Variants in CCDC180 observed in about 807,000 individuals in gnomAD.
The protein encoded by CCDC180 is coiled-coil domain-containing protein 180.
In CCDC180, 154 loss-of-function variants were observed where a neutral mutation model predicts 209.2. The ratio of observed to expected loss-of-function variants is 0.74; its 90% confidence interval spans 0.65 to 0.84. CCDC180 has a LOEUF of 0.84. CCDC180 is among the 40% of genes least tolerant of loss of function. The pLI is 0.00. For missense variants in CCDC180, 1,874 were observed against 1,997.3 expected (o/e 0.94, Z 1.18); for synonymous variants, 778 against 749.1 (o/e 1.04, Z -0.63).
At chr9:97,364,013 C>G in intron 28 of CCDC180, 38 bp from the exon 29 acceptor site, 1 of 1,598,434 alleles carries the variant, frequency 6.3e-7, no homozygotes. Context: ...TGCGTCTGTC[C>G]ACAGCCTCCA....
chr9:97,355,153 T>G, intron 24 of CCDC180, 145 bp downstream of exon 24: 1 of 608,988 alleles, frequency 1.6e-6, no homozygotes, highest in Non-Finnish European at 2.9e-6. Flanking sequence ...CAATCTTTTT[T>G]TTCTTTTTTT....
At chr9:97,322,163 G>A (rs1457384788) in intron 11 of CCDC180, among the ~76,000 whole-genome samples, 1 of 152,102 alleles carries the variant, frequency 6.6e-6, no homozygotes, top group African/African-American at 2.4e-5. Flanking sequence ...CTAGCCCTGG[G>A]GACAGGAAGA....
intron 5 of CCDC180, among the ~76,000 whole-genome samples, chr9:97,313,938 G>C (rs1461587765): frequency 1.3e-5 from 2 of 152,156 alleles, no homozygotes; most frequent in Non-Finnish European, 2.9e-5. Context: ...GATTCCTGGA[G>C]CTGGCTCTGT....
At chr9:97,332,257 GT>G (rs1351700264) in intron 18 of CCDC180, among the ~76,000 whole-genome samples, 1 of 152,128 alleles carries the variant, frequency 6.6e-6, no homozygotes, top group Non-Finnish European at 1.5e-5. Context: ...GTATTATGCT[GT>G]TTTGATTACT....
rs1035329501 is a variant in CCDC180 at position 97,343,383 on chromosome 9, A to G, written c.2318A>G (p.Asp773Gly). 1.9e-6 allele frequency: 3 copies of G among 1,613,556 alleles called. No individual in the cohort carries two copies. Among genetic ancestry groups the G allele is most frequent in the South Asian group, 1.1e-5 (1 of 91,066 alleles). ...GGTCTAGAGGAGATATACTATGAGGACATGGAGTCCTTCACAATCTCCAGT... is the reference window on the plus strand; with the variant it reads ...GGTCTAGAGGAGATATACTATGAGGGCATGGAGTCCTTCACAATCTCCAGT... ...EEGLEEIYYE[D>G]MESFTISSGN... The change falls in exon 19 of 37, where the codon GAC (aspartate) becomes GGC (glycine). Residue 773 changes from aspartate to glycine, a missense_variant. Asp to Gly is a moderately conservative substitution (Grantham distance 94, BLOSUM62 -1). Coordinates refer to ENST00000529487, the MANE Select transcript of CCDC180 (RefSeq NM_020893.6).
At chr9:97,311,968 G>A (rs1833001007) in intron 3 of CCDC180, 145 bp from the exon 4 acceptor site, 1 of 688,264 alleles carries the variant, frequency 1.5e-6, no homozygotes, top group African/African-American at 1.8e-5. Context: ...CACTGCCTCA[G>A]GGCTCTCTGG....
rs1306722449 is a variant in CCDC180 at position 97,307,680 on chromosome 9, G to A, written c.-208G>A. 1.3e-6 allele frequency: 2 copies of A among 1,557,122 alleles called. No individual in the cohort carries two copies. Among genetic ancestry groups the A allele is most frequent in the African/African-American group, 1.4e-5 (1 of 73,494 alleles). Reference sequence around the variant, plus strand: ...CCTTGAGCGCCGTTAACTTTTCCCCGAAGAGCATGGCAGAGTGAAGCACAA... The same window carrying A: ...CCTTGAGCGCCGTTAACTTTTCCCCAAAGAGCATGGCAGAGTGAAGCACAA... On this transcript the variant is annotated 5_prime_UTR_variant, in exon 1 of 37. Coordinates refer to ENST00000529487, the MANE Select transcript of CCDC180 (RefSeq NM_020893.6).
intron 10 of CCDC180, 95 bp downstream of exon 10, chr9:97,318,677 A>C: frequency 1.3e-6 from 2 of 1,501,490 alleles, no homozygotes; most frequent in Non-Finnish European, 1.8e-6. Flanking sequence ...GGCATCCTTC[A>C]GACTAAGCAG....
chr9:97,312,271 C>A, intron 4 of CCDC180, 70 bp downstream of exon 4: 1 of 1,344,030 alleles, frequency 7.4e-7, no homozygotes, highest in Non-Finnish European at 1.1e-6. Context: ...GAGGTGGGGA[C>A]GTCTCCTGGC....
At chr9:97,359,852 T>G in intron 25 of CCDC180, 130 bp from the exon 26 acceptor site, 1 of 1,202,978 alleles carries the variant, frequency 8.3e-7, no homozygotes, top group Non-Finnish European at 1.2e-6. Flanking sequence ...CTTCCCTGCA[T>G]GTGAGGAGCC....
rs1197176532 is a variant in CCDC180 at position 97,347,440 on chromosome 9, C to T, written c.2625C>T (p.His875=). The stretch of plus-strand genomic sequence containing the variant: ...AACTGGAGCTGCATCTGCACCTGCA[C>T]CAGCCAAGAGCCCAGCAGATTGAAA... ...DSELELHLHL[H]QPRAQQIEKD... Residue 875 remains histidine, a synonymous_variant, in exon 20 of 37, where the codon CAC becomes CAT. Transcript: ENST00000529487. The T allele has an allele frequency of 2.6e-6, 4 of 1,536,150 alleles. No individual in the cohort carries two copies. In the Admixed American group the frequency reaches 5.9e-5, roughly 23 times the overall value.
intron 34 of CCDC180, chr9:97,372,214 A>T (rs1827121102): frequency 6.6e-6 from 1 of 152,320 alleles, no homozygotes. Context: ...ACTGTAAAAA[A>T]TGCTCAACTT....
chr9:97,359,977 A>T lies in CCDC180; in HGVS notation c.3364-5A>T, dbSNP rs753143078. 5.0e-6 allele frequency: 8 copies of T among 1,613,156 alleles called. No homozygotes were observed. The highest frequency in any genetic ancestry group is 1.7e-5 in the Admixed American group (1 of 59,944). ...TGGGGCTTTCTTCCTCCCTTTTCTC[A>T]CCAGACAGTGACCACAGAAGAACTC... On this transcript the variant is annotated splice_region_variant and splice_polypyrimidine_tract_variant and intron_variant, in intron 25 of 36. Coordinates refer to ENST00000529487, the MANE Select transcript of CCDC180 (RefSeq NM_020893.6).
At position 97,330,163 on chromosome 9, in the gene CCDC180, G is replaced by A. The variant is rs755717898; in HGVS notation, c.1798G>A (p.Gly600Arg). 1 of 1,613,688 alleles carries A rather than the reference G, an allele frequency of 6.2e-7. No individual in the cohort carries two copies. The highest frequency in any genetic ancestry group is 1.1e-5 in the South Asian group (1 of 91,060). ...TGGTTTTTCCTTGTAGAACTTGGCTGGAGAAGTCATTTTCAAATTCAGGCA... is the reference window on the plus strand; with the variant it reads ...TGGTTTTTCCTTGTAGAACTTGGCTAGAGAAGTCATTTTCAAATTCAGGCA... Reference protein sequence around the residue: ...VREIFEQNLAGEVIFKFRQPE... With the variant: ...VREIFEQNLAREVIFKFRQPE... Residue 600 changes from glycine to arginine, a missense_variant, in exon 17 of 37, where the codon GGA becomes AGA. Gly to Arg is a moderately radical substitution (Grantham distance 125). Coordinates refer to ENST00000529487, the MANE Select transcript of CCDC180 (RefSeq NM_020893.6).
chr9:97,330,467 T>C lies in CCDC180; in HGVS notation c.1974T>C (p.Asp658=), dbSNP rs747023971. 6.2e-7 allele frequency: 1 copy of C among 1,613,994 alleles called. No individual in the cohort carries two copies. Among genetic ancestry groups the C allele is most frequent in the Admixed American group, 1.7e-5 (1 of 60,010 alleles). ...RSVEEVEEEN[D]QEMESFITEE... is the part of the protein sequence containing the mutation. The stretch of plus-strand genomic sequence containing the variant: ...TAGAAGAGGTGGAAGAAGAAAACGA[T>C]CAAGAAATGGAGTCCTTCATAACTG... Residue 658 remains aspartate, a synonymous_variant, in exon 18 of 37, where the codon GAT becomes GAC. Transcript: ENST00000529487.
chr9:97,325,295 A>C, intron 14 of CCDC180, 103 bp downstream of exon 14: 1 of 1,245,348 alleles, frequency 8.0e-7, no homozygotes. Flanking sequence ...AAATTTGTGC[A>C]GATGGGGACA....
chr9:97,354,803 A>G lies in CCDC180; in HGVS notation c.3148-89A>G, dbSNP rs1037187129. The G allele has an allele frequency of 1.7e-5, 26 of 1,574,642 alleles. No individual in the cohort carries two copies. The Middle Eastern group carries it at 6.7e-4, about 41-fold the overall frequency. ...AAGGGAGGGCCAAGCCCTCCATCCAACCATTCACTGGGCCTGTCCCCCTCC... is the reference window on the plus strand; with the variant it reads ...AAGGGAGGGCCAAGCCCTCCATCCAGCCATTCACTGGGCCTGTCCCCCTCC... On this transcript the variant is annotated intron_variant, in intron 23 of 36. Coordinates refer to ENST00000529487, the MANE Select transcript of CCDC180 (RefSeq NM_020893.6).
intron 21 of CCDC180, among the ~76,000 whole-genome samples, chr9:97,349,887 G>A (rs1826374307): frequency 6.6e-6 from 1 of 152,116 alleles, no homozygotes; most frequent in African/African-American, 2.4e-5. Flanking sequence ...CACTCTTTTG[G>A]GGTATCATGG....
At position 97,360,029 on chromosome 9, in the gene CCDC180, A is replaced by G. The variant is rs1288234105; in HGVS notation, c.3411A>G (p.Glu1137=). ...ELLSFVQTWK[E]KLSQRIQYLN... ...TCAGCTTCGTCCAAACTTGGAAGGA[A>G]AAACTGAGCCAGAGGATTCAGTACC... Residue 1137 remains glutamate, a synonymous_variant, in exon 26 of 37, where the codon GAA becomes GAG. Transcript: ENST00000529487. 6.2e-7 allele frequency: 1 copy of G among 1,614,076 alleles called. No individual in the cohort carries two copies. Among genetic ancestry groups the G allele is most frequent in the Admixed American group, 1.7e-5 (1 of 60,010 alleles).
Sources: gnomAD v4.1 joint callset for allele counts (sites outside exome capture counted in the v4.1 genomes callset) on GRCh38, gnomAD v4.1.1 for gene constraint, MANE v1.5 for transcripts, NCBI Gene and HGNC (gene_info 2026-07-23, HGNC 2026-07-21) for gene names.